NELL1: variants seen among roughly 807,000 people sequenced by gnomAD.
The protein encoded by NELL1 is protein kinase C-binding protein NELL1.
In NELL1, 76 loss-of-function variants were observed where a neutral mutation model predicts 107.4. That is an observed-to-expected ratio of 0.71 (90% CI 0.59 to 0.86). The LOEUF (loss-of-function observed/expected upper bound fraction) is 0.86. Ranked by LOEUF, NELL1 falls within the 40% of genes least tolerant of loss-of-function variation. NELL1 has a pLI of 0.00. For synonymous variants in NELL1, 353 were observed against 341.2 expected (o/e 1.03, Z -0.38); for missense variants, 1,024 against 1,005.5 (o/e 1.02, Z -0.25).
At chr11:21,571,003 GT>G in intron 18 of NELL1, 63 bp downstream of exon 18, 1 of 1,502,566 alleles carries the variant, frequency 6.7e-7, no homozygotes, top group Non-Finnish European at 9.1e-7. Context: ...AAATTCAGTT[GT>G]CTGTGGGACC....
intron 13 of NELL1, among the ~76,000 whole-genome samples, chr11:21,152,152 C>T (rs1856132207): frequency 6.6e-6 from 1 of 152,158 alleles, no homozygotes; most frequent in Non-Finnish European, 1.5e-5. Flanking sequence ...GTATGTTTTC[C>T]AGCAATGGAA....
At chr11:20,829,077 A>C (rs1445570693) in intron 3 of NELL1, among the ~76,000 whole-genome samples, 1 of 152,112 alleles carries the variant, frequency 6.6e-6, no homozygotes, top group Non-Finnish European at 1.5e-5. Flanking sequence ...TATTTTTTTA[A>C]CTTTTTCTTT....
intron 14 of NELL1, among the ~76,000 whole-genome samples, chr11:21,363,073 C>T (rs1851122147): frequency 6.6e-6 from 1 of 152,164 alleles, no homozygotes; most frequent in African/African-American, 2.4e-5. Flanking sequence ...TGAGAAAGCT[C>T]CTATCTACAG....
At chr11:21,104,606 A>G (rs1014745718) in intron 12 of NELL1, among the ~76,000 whole-genome samples, 2 of 152,242 alleles carry the variant, frequency 1.3e-5, no homozygotes, top group African/African-American at 4.8e-5. Flanking sequence ...TTTACCATAC[A>G]TGGGATGACC....
At chr11:20,958,402 G>C (rs901192646) in intron 11 of NELL1, among the ~76,000 whole-genome samples, 2 of 152,114 alleles carry the variant, frequency 1.3e-5, no homozygotes, top group African/African-American at 4.8e-5. Flanking sequence ...AACAGAGTGA[G>C]ACTCTGTCTC....
At chr11:21,223,994 C>A (rs1857828579) in intron 13 of NELL1, among the ~76,000 whole-genome samples, 1 of 152,114 alleles carries the variant, frequency 6.6e-6, no homozygotes, top group African/African-American at 2.4e-5. Context: ...TCATACCATT[C>A]TTTCCTGGCC....
intron 15 of NELL1, among the ~76,000 whole-genome samples, chr11:21,489,394 A>C (rs906423240): frequency 6.8e-6 from 1 of 146,828 alleles, no homozygotes; most frequent in Non-Finnish European, 1.5e-5. Flanking sequence ...AAAAAAAAAA[A>C]AAAAAAAAAA....
chr11:21,526,664 C>G (rs1430326034), intron 15 of NELL1, among the ~76,000 whole-genome samples: 1 of 152,176 alleles, frequency 6.6e-6, no homozygotes, highest in Non-Finnish European at 1.5e-5. Flanking sequence ...TTCTTGACTT[C>G]TGGGCACCCA....
Position 21,232,179 on chromosome 11 carries a change from A to ATATATATATATATATATATATATATAT in NELL1, c.1549+2725_1549+2726insTATATATATATATATATATATATATAT, listed in dbSNP as rs1565122814. 1.2e-3 allele frequency among the ~76,000 whole-genome samples: 133 copies of ATATATATATATATATATATATATATAT among 111,326 alleles called. 3 individuals carry two copies. The highest frequency in any genetic ancestry group is 2.1e-3 in the South Asian group (7 of 3,284). 73.0% of individuals were successfully genotyped at this position (111,326 alleles called of 152,430 possible). On this transcript the variant is annotated intron_variant, in intron 14 of 19. Transcript: ENST00000357134. Reference sequence around the variant, plus strand: ...AAAAAAATATATATATATATATATAAATTAGCTGGGCGTGGTGGTGTCCAC... The same window carrying ATATATATATATATATATATATATATAT: ...AAAAAAATATATATATATATATATAATATATATATATATATATATATATATATATTAGCTGGGCGTGGTGGTGTCCAC...
At position 20,871,879 on chromosome 11, in the gene NELL1, C is replaced by T. The variant is rs534062714; in HGVS notation, c.507-13565C>T. Among the ~76,000 whole-genome samples, 9 of 151,710 alleles carry T rather than the reference C, an allele frequency of 5.9e-5. No individual in the cohort carries two copies. In the South Asian group the frequency reaches 8.3e-4, roughly 14 times the overall value. On this transcript the variant is annotated intron_variant, in intron 4 of 19. Transcript: ENST00000357134. ...CTAAAAATACAAAAAGTTATCCGGG[C>T]GTGGTGGCAGGTGCCTGTAGTCCCA... is the stretch of plus-strand genomic sequence containing the variant.
chr11:21,274,085 C>T (rs1329078901), intron 14 of NELL1, among the ~76,000 whole-genome samples: 2 of 152,242 alleles, frequency 1.3e-5, no homozygotes, highest in East Asian at 3.9e-4. Context: ...ACTAAATGCT[C>T]CAATTAAAAG....
chr11:21,562,977 G>A lies in NELL1; in HGVS notation c.1980+2595G>A, dbSNP rs192718490. On this transcript the variant is annotated intron_variant, in intron 17 of 19. Coordinates refer to ENST00000357134, the MANE Select transcript of NELL1 (RefSeq NM_006157.5). The stretch of plus-strand genomic sequence containing the variant: ...ATGATGAAGCTAGGCTAGCATAAAT[G>A]GATTTGGGCTTTTGTTTAGATTCTA... Among the ~76,000 whole-genome samples the A allele has an allele frequency of 1.3e-3, 195 of 152,154 alleles. 1 individual carries two copies. In the Middle Eastern group the frequency reaches 0.02, roughly 16 times the overall value.
At chr11:21,128,199 A>G (rs1280599060) in intron 13 of NELL1, among the ~76,000 whole-genome samples, 5 of 152,210 alleles carry the variant, frequency 3.3e-5, no homozygotes, top group Non-Finnish European at 7.3e-5. Flanking sequence ...AGGACCCCAC[A>G]TAATTATTTT....
At chr11:21,464,406 A>AAG (rs1853974614) in intron 15 of NELL1, among the ~76,000 whole-genome samples, 1 of 73,830 alleles carries the variant, frequency 1.4e-5, no homozygotes, top group African/African-American at 3.2e-5. Context: ...CCGTGGCAAA[A>AAG]AAAAAAAAAA....
intron 9 of NELL1, among the ~76,000 whole-genome samples, chr11:20,931,093 T>C (rs550272873): frequency 6.6e-6 from 1 of 152,278 alleles, no homozygotes; most frequent in East Asian, 1.9e-4. Flanking sequence ...GGAATAATGA[T>C]GAGGGATCCT....
At chr11:20,687,045 C>CTTT (rs59411780) in intron 2 of NELL1, among the ~76,000 whole-genome samples, 12 of 128,998 alleles carry the variant, frequency 9.3e-5, no homozygotes, top group African/African-American at 2.0e-4. Flanking sequence ...CTCTCTCTCT[C>CTTT]TTTTTTTTTT....
chr11:20,839,530 T>G (rs957965601), intron 3 of NELL1, among the ~76,000 whole-genome samples: 1 of 152,178 alleles, frequency 6.6e-6, no homozygotes, highest in Non-Finnish European at 1.5e-5. Flanking sequence ...TATAGAAAGA[T>G]GAAGGGAAAT....
intron 18 of NELL1, among the ~76,000 whole-genome samples, chr11:21,572,727 GCTTCAGGTTCTGCTTTTGAA>G (rs1857129612): frequency 6.6e-6 from 1 of 151,778 alleles, no homozygotes; most frequent in Non-Finnish European, 1.5e-5. Flanking sequence ...ATATTACAGT[GCTTCAGGTTCTGCTTTTGAA>G]CTTAAGAGAA....
At chr11:21,252,404 T>G (rs1054153261) in intron 14 of NELL1, among the ~76,000 whole-genome samples, 4 of 152,112 alleles carry the variant, frequency 2.6e-5, no homozygotes, top group Non-Finnish European at 4.4e-5. Context: ...AGATCAGGGA[T>G]CCAGAAGCAC....
Sources: allele counts gnomAD v4.1 joint callset (sites outside exome capture counted in the v4.1 genomes callset), GRCh38; gene constraint gnomAD v4.1.1; transcripts MANE v1.5; gene names NCBI Gene and HGNC (gene_info 2026-07-23, HGNC 2026-07-21).